Variants in PDE5A observed in about 807,000 individuals in gnomAD.
The protein encoded by PDE5A is phosphodiesterase 5A, also known as cGMP-specific 3',5'-cyclic phosphodiesterase.
A neutral mutation model predicts 110.2 loss-of-function variants in PDE5A; 67 were observed. That is an observed-to-expected ratio of 0.61 (90% CI 0.50 to 0.75). The LOEUF (loss-of-function observed/expected upper bound fraction) is 0.75. Ranked by LOEUF, PDE5A falls within the 30% of genes least tolerant of loss-of-function variation. The pLI, the probability that PDE5A is intolerant of heterozygous loss-of-function variation, is 0.00. For missense variants in PDE5A, 862 were observed against 1,045.1 expected, an observed-to-expected ratio of 0.82 and a Z score of 2.42; for synonymous variants, 328 against 351.2, an observed-to-expected ratio of 0.93 and a Z score of 0.74.
At chr4:119,575,318 T>C (rs1728294038) in intron 3 of PDE5A, among the ~76,000 whole-genome samples, 2 of 152,032 alleles carry the variant, frequency 1.3e-5, no homozygotes, top group African/African-American at 4.8e-5. Context: ...AACATTCAAA[T>C]TCAGGAAATA....
rs1308956919 is a variant in PDE5A at position 119,628,588 on chromosome 4, G to A, written c.84C>T (p.Asp28=). Residue 28 remains aspartate, a synonymous_variant, in exon 1 of 21, where the codon GAC becomes GAT. Coordinates refer to ENST00000354960, the MANE Select transcript of PDE5A (RefSeq NM_001083.4). ...QQQKQQQRDQ[D]SVEAWLDDHW... ...GATCGTCCAGCCATGCTTCGACCGA[G>A]TCCTGATCCCTCTGCTGCTGCTTCT... 1.2e-6 allele frequency: 2 copies of A among 1,613,696 alleles called. No individual in the cohort carries two copies. Among genetic ancestry groups the A allele is most frequent in the Admixed American group, 1.7e-5 (1 of 59,970 alleles).
At chr4:119,508,629 ACAATAAT>A (rs1285827946) in intron 15 of PDE5A, among the ~76,000 whole-genome samples, 2 of 152,040 alleles carry the variant, frequency 1.3e-5, no homozygotes, top group African/African-American at 4.8e-5. Context: ...CTAATTAATG[ACAATAAT>A]CTATAATTAC....
intron 3 of PDE5A, among the ~76,000 whole-genome samples, chr4:119,570,292 A>G (rs1238904767): frequency 6.6e-6 from 1 of 152,134 alleles, no homozygotes; most frequent in Non-Finnish European, 1.5e-5. Context: ...TAGGCTTTGA[A>G]ATGTCCATTT....
At position 119,627,285 on chromosome 4, in the gene PDE5A, C is replaced by T; in HGVS notation, c.152+1235G>A. On this transcript the variant is annotated intron_variant, in intron 1 of 20. Transcript: ENST00000354960. This position sits in a 1 kb window ranked among gnomAD's most constrained non-coding sequence, Gnocchi z 4.6. ...GTGAGGTGAGGTCGGCGACTCAGAA[C>T]CAGCTCCCTCACGGCCCCGGCCTCC... 6.7e-7 allele frequency: 1 copy of T among 1,489,286 alleles called. No individual in the cohort carries two copies. The highest frequency in any genetic ancestry group is 2.7e-5 in the East Asian group (1 of 36,666). The allele number at this position is 1,489,286 out of a possible 1,614,324, so 92.3% of individuals were successfully genotyped here. A position where few individuals can be genotyped will look rare whatever the true frequency, so the allele number is the denominator to read the frequency against.
At chr4:119,567,020 T>C (rs540910537) in intron 4 of PDE5A, 53 bp downstream of exon 4, 1 of 1,267,260 alleles carries the variant, frequency 7.9e-7, no homozygotes, top group Admixed American at 1.7e-5. Flanking sequence ...GTATATACTA[T>C]AAAGAGAAAG....
At chr4:119,572,551 G>A (rs192951715) in intron 3 of PDE5A, among the ~76,000 whole-genome samples, 2 of 152,334 alleles carry the variant, frequency 1.3e-5, no homozygotes, top group Admixed American at 1.3e-4. Flanking sequence ...CACTGGAAGA[G>A]AGAAGAAAGA....
rs1005915120 is a variant in PDE5A, at chr4:119,606,736, C to T, written c.714G>A (p.Glu238=). ...GIVGHVAALG[E]PLNIKDAYED... ...CATATGCATCTTTGATGTTCAAGGGCTCACCAAGCGCTGCCACATGTCCCA... is the reference window on the plus strand; with the variant it reads ...CATATGCATCTTTGATGTTCAAGGGTTCACCAAGCGCTGCCACATGTCCCA... The change falls in exon 2 of 21, where the codon GAG becomes GAA. Residue 238 remains glutamate (E), a synonymous_variant. Coordinates refer to ENST00000354960, the MANE Select transcript of PDE5A (RefSeq NM_001083.4). The T allele has an allele frequency of 1.1e-5, 17 of 1,613,936 alleles. No homozygotes were observed. The highest frequency in any genetic ancestry group is 1.4e-5 in the Non-Finnish European group (16 of 1,179,956).
At chr4:119,585,429 T>C (rs1224776510) in intron 3 of PDE5A, among the ~76,000 whole-genome samples, 6 of 152,190 alleles carry the variant, frequency 3.9e-5, no homozygotes, top group Non-Finnish European at 1.5e-5. Flanking sequence ...AATTTTTGTA[T>C]AAACCTTTGT....
Sources: allele counts gnomAD v4.1 joint callset (sites outside exome capture counted in the v4.1 genomes callset), GRCh38; gene constraint gnomAD v4.1.1; non-coding constraint Gnocchi (gnomAD v3.1); transcripts MANE v1.5; gene names NCBI Gene and HGNC (gene_info 2026-07-23, HGNC 2026-07-21).